Variants in BTG4 observed in about 807,000 individuals in gnomAD.
BTG4 encodes protein BTG4.
Under a neutral mutation model 19.3 loss-of-function variants are expected in BTG4, and 10 were observed. The observed-to-expected ratio is 0.52, with a 90% CI of 0.32 to 0.88. BTG4 has a LOEUF of 0.88. BTG4 is among the 40% of genes least tolerant of loss of function. The pLI, the probability that BTG4 is intolerant of heterozygous loss-of-function variation, is 0.04. For missense variants in BTG4, 238 were observed against 281.9 expected (o/e 0.84, Z 1.11); for synonymous variants, 91 against 95.7 (o/e 0.95, Z 0.29).
chr11:111,401,189 T>G, the BTG4 span: 1 of 151,468 alleles, frequency 6.6e-6, no homozygotes, highest in Non-Finnish European at 1.5e-5. Flanking sequence ...AAGTTGATAA[T>G]ATTAAAGAAA....
chr11:111,420,683 G>A, the BTG4 span, among the ~76,000 whole-genome samples: 2 of 152,230 alleles, frequency 1.3e-5, no homozygotes, highest in East Asian at 1.9e-4. Flanking sequence ...TAGAATGCCA[G>A]AGGGATTGCA....
downstream of BTG4, among the ~76,000 whole-genome samples, chr11:111,493,707 G>C (rs1944111): frequency 0.3 from 46,263 of 152,098 alleles, 7,233 homozygotes; most frequent in Middle Eastern, 0.39. Context: ...CTCTTCAAGA[G>C]AGGACAAACT....
chr11:111,395,905 T>C, the BTG4 span, among the ~76,000 whole-genome samples: 4 of 152,222 alleles, frequency 2.6e-5, no homozygotes, highest in Non-Finnish European at 5.9e-5. Context: ...CCTTGATCAC[T>C]TTGCACAGCC....
chr11:111,408,094 A>G, the BTG4 span, among the ~76,000 whole-genome samples: 5 of 152,220 alleles, frequency 3.3e-5, no homozygotes, highest in African/African-American at 1.2e-4. Flanking sequence ...AGGCCCTTGG[A>G]ACATGTAGCC....
the BTG4 span, chr11:111,460,452 A>G: frequency 6.6e-6 from 1 of 152,452 alleles, no homozygotes; most frequent in Admixed American, 6.6e-5. Flanking sequence ...GTTCCAGGCA[A>G]CATGTTAGGC....
the BTG4 span, among the ~76,000 whole-genome samples, chr11:111,418,875 G>A: frequency 6.6e-6 from 1 of 152,226 alleles, no homozygotes; most frequent in African/African-American, 2.4e-5. Flanking sequence ...ACAAAGTACT[G>A]ACTGGATGGC....
chr11:111,467,805 A>C lies in BTG4; in HGVS notation c.663-124T>G, dbSNP rs571910185. The C allele has an allele frequency of 2.2e-5, 13 of 582,248 alleles. No individual in the cohort carries two copies. In the South Asian group the frequency reaches 3.1e-4, roughly 14 times the overall value. 36.1% of individuals were successfully genotyped at this position (582,248 alleles called of 1,614,324 possible). On this transcript the variant is annotated intron_variant, in intron 5 of 5. Coordinates refer to the BTG4 transcript ENST00000356018. ...TTAGCTAAGGCATAATAAATGTCAC[A>C]GTGTAAGAGCTTTCTCTAATCAGTA...
chr11:111,454,222 T>A, the BTG4 span: 1 of 445,004 alleles, frequency 2.2e-6, no homozygotes. Context: ...CCTTCTTCCC[T>A]CCGACCCCCA....
At chr11:111,444,369 C>T in the BTG4 span, among the ~76,000 whole-genome samples, 1 of 151,650 alleles carries the variant, frequency 6.6e-6, no homozygotes, top group Non-Finnish European at 1.5e-5. Context: ...GAGGCAATGT[C>T]TCACTTATTT....
At chr11:111,427,031 G>C in the BTG4 span, among the ~76,000 whole-genome samples, 3 of 152,200 alleles carry the variant, frequency 2.0e-5, no homozygotes, top group Non-Finnish European at 2.9e-5. Context: ...TCCTTGAAGA[G>C]ACCTAGAATG....
the BTG4 span, among the ~76,000 whole-genome samples, chr11:111,452,867 G>T: frequency 1.3e-5 from 2 of 152,178 alleles, no homozygotes; most frequent in South Asian, 4.1e-4. Context: ...CCTGAATGAG[G>T]TTTGAAACAG....
the BTG4 span, among the ~76,000 whole-genome samples, chr11:111,419,434 CG>C: frequency 6.6e-6 from 1 of 152,268 alleles, no homozygotes; most frequent in African/African-American, 2.4e-5. Flanking sequence ...ACGTGCCCCT[CG>C]CCCCTTGGCC....
the BTG4 span, among the ~76,000 whole-genome samples, chr11:111,399,906 G>A: frequency 6.6e-6 from 1 of 152,156 alleles, no homozygotes; most frequent in Non-Finnish European, 1.5e-5. Context: ...GTGGGACTGA[G>A]GTGTGAGGGT....
Position 111,498,282 on chromosome 11 carries a change from A to T in BTG4, c.174-147T>A, listed in dbSNP as rs1025122485. ...TCAGCCTCCTCCACCCTCCACTCTT[A>T]CAAGTAAGACATCATCAACTTTTGA... On this transcript the variant is annotated intron_variant, in intron 2 of 4. Transcript: ENST00000692032. The T allele has an allele frequency of 3.6e-6, 3 of 837,752 alleles. No homozygotes were observed. The Admixed American group carries it at 7.2e-5, about 20-fold the overall frequency. The allele number at this position is 837,752 out of a possible 1,614,324, so 51.9% of individuals were successfully genotyped here. A position where few individuals can be genotyped will look rare whatever the true frequency, so the allele number is the denominator to read the frequency against.
At chr11:111,472,004 A>G (rs978528245) in intron 5 of BTG4, among the ~76,000 whole-genome samples, 3 of 152,170 alleles carry the variant, frequency 2.0e-5, no homozygotes, top group African/African-American at 7.2e-5. Context: ...CATCAACTAC[A>G]ATACCACCCT....
chr11:111,399,685 C>T, the BTG4 span, among the ~76,000 whole-genome samples: 1 of 152,186 alleles, frequency 6.6e-6, no homozygotes, highest in Non-Finnish European at 1.5e-5. Flanking sequence ...AATTGATCTC[C>T]TTGTTCCCGG....
At chr11:111,462,265 T>C in the BTG4 span, 2 of 152,338 alleles carry the variant, frequency 1.3e-5, no homozygotes, top group African/African-American at 4.8e-5. Context: ...CACCCAGAGC[T>C]CCTGCCTTCC....
At chr11:111,454,414 A>G in the BTG4 span, 4 of 422,750 alleles carry the variant, frequency 9.5e-6, no homozygotes, top group Non-Finnish European at 1.9e-5. Context: ...ATGTGGGGCT[A>G]GAAAGAGTCT....
At chr11:111,434,036 C>A in the BTG4 span, among the ~76,000 whole-genome samples, 57,748 of 151,990 alleles carry the variant, frequency 0.38, 11,854 homozygotes, top group African/African-American at 0.54. Context: ...TTGACCCAGC[C>A]ATCCCATTAC....
Sources: allele counts gnomAD v4.1 joint callset (sites outside exome capture counted in the v4.1 genomes callset), GRCh38; gene constraint gnomAD v4.1.1; transcripts MANE v1.5; gene names NCBI Gene and HGNC (gene_info 2026-07-23, HGNC 2026-07-21).